Variants in EIF3D observed in about 807,000 individuals in gnomAD.
The protein encoded by EIF3D is eIF3 p66.
EIF3D carries 10 observed loss-of-function variants against 75.4 expected under a neutral mutation model. The observed-to-expected ratio is 0.13, with a 90% CI of 0.08 to 0.22. The LOEUF (loss-of-function observed/expected upper bound fraction) is 0.22. Among genes scored for constraint, EIF3D ranks in the 10% least tolerant of loss-of-function variants. EIF3D has a pLI of 1.00. For synonymous variants in EIF3D, 246 were observed against 248.3 expected, an observed-to-expected ratio of 0.99 and a Z score of 0.09; for missense variants, 394 against 708.0, an observed-to-expected ratio of 0.56 and a Z score of 5.03.
chr22:36,521,149 G>C, intron 6 of EIF3D, among the ~76,000 whole-genome samples: 1 of 151,346 alleles, frequency 6.6e-6, no homozygotes, highest in Non-Finnish European at 1.5e-5. Flanking sequence ...GCAGTGAGCT[G>C]AGATAGCACC....
Position 36,518,983 on chromosome 22 carries a change from A to G in EIF3D, c.712-73T>C, listed in dbSNP as rs898016948. ...CACTGCCCACTCACATGGATGGGAA[A>G]GAACTCCTTTGCTGACCACATAAAT... is the stretch of plus-strand genomic sequence containing the variant. On this transcript the variant is annotated intron_variant, in intron 8 of 14. Transcript: ENST00000216190. The G allele has an allele frequency of 7.0e-6, 11 of 1,574,246 alleles. No homozygotes were observed. The Admixed American group carries it at 1.2e-4, about 17-fold the overall frequency.
intron 14 of EIF3D, 175 bp from the exon 15 acceptor site, chr22:36,511,175 G>A (rs763032113): frequency 2.3e-6 from 2 of 866,442 alleles, no homozygotes; most frequent in Non-Finnish European, 3.4e-6. Flanking sequence ...CCAGCTGGTG[G>A]AGCAGGAGAG....
At chr22:36,512,436 C>T (rs377290131) in intron 13 of EIF3D, 24 bp downstream of exon 13, 128 of 1,612,808 alleles carry the variant, frequency 7.9e-5, no homozygotes, top group Middle Eastern at 4.9e-4. Flanking sequence ...AGATCAGCTG[C>T]CAGCTCCTGC....
chr22:36,524,860 A>G (rs1934571282), intron 3 of EIF3D, 128 bp from the exon 4 acceptor site: 1 of 1,157,942 alleles, frequency 8.6e-7, no homozygotes, highest in African/African-American at 1.5e-5. Flanking sequence ...CTTGTTAGAC[A>G]CACAGACTCA....
chr22:36,527,837 G>C (rs1005967722), intron 1 of EIF3D, among the ~76,000 whole-genome samples: 1 of 152,182 alleles, frequency 6.6e-6, no homozygotes, highest in Non-Finnish European at 1.5e-5. Flanking sequence ...TTTCTTGGAG[G>C]CTGGAGAGCA....
chr22:36,529,018 G>A (rs1039392229), intron 1 of EIF3D, 58 bp downstream of exon 1: 3 of 357,160 alleles, frequency 8.4e-6, no homozygotes, highest in Admixed American at 9.4e-5. Context: ...CCCGAAGGCT[G>A]GACCTAGTCC....
At position 36,526,025 on chromosome 22, in the gene EIF3D, A is replaced by G; in HGVS notation, c.97T>C (p.Phe33Leu). 1 of 1,613,116 alleles carries G rather than the reference A, an allele frequency of 6.2e-7. No individual in the cohort carries two copies. The highest frequency in any genetic ancestry group is 8.5e-7 in the Non-Finnish European group (1 of 1,179,522). Residue 33 changes from phenylalanine to leucine, a missense_variant, in exon 2 of 15, where the codon TTC (phenylalanine) becomes CTC (leucine). Physicochemically the swap from Phe to Leu is conservative, Grantham distance 22 (BLOSUM62 0). Transcript: ENST00000216190. ...TTTCCTAGCCGATCTCCTTTGCTGA[A>G]CGGCTGGTAGGGCATATCCCGAAAC... ...EQFRDMPYQP[F>L]SKGDRLGKVA... is the part of the protein sequence containing the mutation.
intron 14 of EIF3D, 149 bp from the exon 15 acceptor site, chr22:36,511,149 G>GT (rs1934327564): frequency 9.7e-7 from 1 of 1,030,462 alleles, no homozygotes; most frequent in Non-Finnish European, 1.4e-6. Flanking sequence ...GGCTGGGCAG[G>GT]TATTTCCTTC....
At chr22:36,511,441 G>C in intron 14 of EIF3D, 62 bp downstream of exon 14, 1 of 1,592,780 alleles carries the variant, frequency 6.3e-7, no homozygotes, top group Non-Finnish European at 8.6e-7. Context: ...AATGGCTACA[G>C]AGCTTGCTCC....
At chr22:36,517,052 A>G in intron 10 of EIF3D, 1 of 614,046 alleles carries the variant, frequency 1.6e-6, no homozygotes, top group South Asian at 2.0e-5. Context: ...ATTTGATGTA[A>G]ATCAATTTAT....
chr22:36,519,778 C>G (rs991969627), intron 7 of EIF3D, among the ~76,000 whole-genome samples: 1 of 152,096 alleles, frequency 6.6e-6, no homozygotes, highest in African/African-American at 2.4e-5. Context: ...GTAGGGTGAC[C>G]GAGGCTAAGA....
chr22:36,528,420 G>GTT (rs1203633049), intron 1 of EIF3D, among the ~76,000 whole-genome samples: 67 of 148,190 alleles, frequency 4.5e-4, no homozygotes, highest in African/African-American at 1.5e-3. Context: ...TTTAATAAAT[G>GTT]TTTTTTTTTT....
intron 1 of EIF3D, among the ~76,000 whole-genome samples, chr22:36,526,552 A>G (rs1934604283): frequency 6.6e-6 from 1 of 152,072 alleles, no homozygotes; most frequent in Non-Finnish European, 1.5e-5. Context: ...GTTCTGAGAT[A>G]TACCTTCACC....
At chr22:36,518,591 G>A (rs553828626) in intron 9 of EIF3D, among the ~76,000 whole-genome samples, 172 bp downstream of exon 9, 2 of 151,384 alleles carry the variant, frequency 1.3e-5, no homozygotes, top group Non-Finnish European at 2.9e-5. Flanking sequence ...AGGTACTGCA[G>A]TGACAGTCTC....
At chr22:36,514,107 GA>G (rs1376485290) in intron 12 of EIF3D, among the ~76,000 whole-genome samples, 1 of 152,292 alleles carries the variant, frequency 6.6e-6, no homozygotes, top group African/African-American at 2.4e-5. Context: ...ATGTAAAAAA[GA>G]AGTTGGAGAT....
chr22:36,518,617 A>C (rs1603498872), intron 9 of EIF3D, 146 bp downstream of exon 9: 1 of 813,206 alleles, frequency 1.2e-6, no homozygotes, highest in Non-Finnish European at 1.7e-6. Flanking sequence ...CTAACCTCTA[A>C]AGAGTGTGGG....
Position 36,512,585 on chromosome 22 carries a change from G to C in EIF3D, c.1224C>G (p.Asp408Glu). The change falls in exon 13 of 15, where the codon GAC (aspartate) becomes GAG (glutamate). Residue 408 changes from aspartate to glutamate, a missense_variant. Physicochemically the swap from Asp to Glu is conservative, Grantham distance 45. Coordinates refer to ENST00000216190, the MANE Select transcript of EIF3D (RefSeq NM_003753.4). ...EWDSRHCNGV[D>E]WRQKLDSQRG... ...GCTGAGAGTCCAGCTTCTGACGCCAGTCAACGCCATTACAGTGCTGCAGGA... is the reference window on the plus strand; with the variant it reads ...GCTGAGAGTCCAGCTTCTGACGCCACTCAACGCCATTACAGTGCTGCAGGA... 1 of 1,614,100 alleles carries C rather than the reference G, an allele frequency of 6.2e-7. No individual in the cohort carries two copies. Among genetic ancestry groups the C allele is most frequent in the South Asian group, 1.1e-5 (1 of 91,070 alleles).
intron 6 of EIF3D, among the ~76,000 whole-genome samples, chr22:36,521,302 G>A (rs62230008): frequency 0.023 from 3,481 of 152,270 alleles, 69 homozygotes; most frequent in Non-Finnish European, 0.037. Context: ...GTGTGGAAGA[G>A]GACCAAAGGG....
rs73169670 is a variant in EIF3D, at chr22:36,514,991, C to T, written c.1206+1487G>A. On this transcript the variant is annotated intron_variant, in intron 12 of 14. Transcript: ENST00000216190. ...AAGTGTATACCAACCTCCCCCCTCT[C>T]TTTCTCCTGCTCTGGCCATGATGTG... Among the ~76,000 whole-genome samples the T allele has an allele frequency of 1.1e-3, 173 of 152,234 alleles. 1 individual carries two copies. Among genetic ancestry groups the T allele is most frequent in the Admixed American group, 4.0e-3 (61 of 15,292 alleles).
Sources: gnomAD v4.1 joint callset for allele counts (sites outside exome capture counted in the v4.1 genomes callset) on GRCh38, gnomAD v4.1.1 for gene constraint, MANE v1.5 for transcripts, NCBI Gene and HGNC (gene_info 2026-07-23, HGNC 2026-07-21) for gene names.